TTC27: variants seen among roughly 807,000 people sequenced by gnomAD.
TTC27 encodes tetratricopeptide repeat protein 27.
In TTC27, 79 loss-of-function variants were observed where a neutral mutation model predicts 115.9. That is an observed-to-expected ratio of 0.68 (90% CI 0.57 to 0.82). The LOEUF is 0.82. Among genes scored for constraint, TTC27 ranks in the 40% least tolerant of loss-of-function variants. The pLI is 0.00. For synonymous variants in TTC27, 401 were observed against 356.0 expected, an observed-to-expected ratio of 1.13 and a Z score of -1.42; for missense variants, 1,054 against 993.1, an observed-to-expected ratio of 1.06 and a Z score of -0.82.
intron 4 of TTC27, among the ~76,000 whole-genome samples, chr2:32,640,633 G>A (rs569085547): frequency 2.0e-5 from 3 of 152,288 alleles, no homozygotes; most frequent in Admixed American, 6.5e-5. Flanking sequence ...TAGGATTTAT[G>A]TGTGTACTGT....
At position 32,682,844 on chromosome 2, in the gene TTC27, G is replaced by GTTTTTTTTTTTTTTTTTTTTTTTT. The variant is rs142030247; in HGVS notation, c.1119+3924_1119+3925insTTTTTTTTTTTTTTTTTTTTTTTT. ...CCACCACACCCGGATAATTTTTATT[G>GTTTTTTTTTTTTTTTTTTTTTTTT]TTGTTTTTTTTTTTTTTTTTTTTTT... On this transcript the variant is annotated intron_variant, in intron 9 of 19. Coordinates refer to ENST00000317907, the MANE Select transcript of TTC27 (RefSeq NM_017735.5). Among the ~76,000 whole-genome samples the GTTTTTTTTTTTTTTTTTTTTTTTT allele has an allele frequency of 2.1e-4, 12 of 56,980 alleles. 3 individuals carry two copies. The highest frequency in any genetic ancestry group is 9.3e-4 in the South Asian group (1 of 1,070). 37.4% of individuals were successfully genotyped at this position (56,980 alleles called of 152,430 possible).
intron 3 of TTC27, among the ~76,000 whole-genome samples, chr2:32,639,043 A>G (rs749990212): frequency 7.9e-5 from 12 of 151,960 alleles, no homozygotes; most frequent in Non-Finnish European, 1.2e-4. Flanking sequence ...CGTGTTAGCC[A>G]GGATGGTCTT....
At chr2:32,753,638 G>A (rs1225891885) in intron 12 of TTC27, among the ~76,000 whole-genome samples, 1 of 151,726 alleles carries the variant, frequency 6.6e-6, no homozygotes, top group Non-Finnish European at 1.5e-5. Flanking sequence ...GTAGACATGG[G>A]GTTTCACTAT....
rs1314989363 is a variant in TTC27 at position 32,628,329 on chromosome 2, C to G, written c.37C>G (p.Pro13Ala). The change falls in exon 1 of 20, where the codon CCC becomes GCC. Residue 13 changes from proline (P) to alanine (A), a missense_variant. Physicochemically the swap from Pro to Ala is conservative, Grantham distance 27. Coordinates refer to ENST00000317907, the MANE Select transcript of TTC27 (RefSeq NM_017735.5). ...TPELAILRGF[P>A]TEAERQQWKQ... ...GGAGCTGGCAATTCTGAGGGGATTC[C>G]CCACTGAGGCTGAGCGGCAGCAATG... 2.5e-6 allele frequency: 4 copies of G among 1,607,748 alleles called. No individual in the cohort carries two copies. Among genetic ancestry groups the G allele is most frequent in the South Asian group, 2.2e-5 (2 of 89,192 alleles).
chr2:32,813,436 A>C (rs371689070), intron 18 of TTC27, among the ~76,000 whole-genome samples: 3 of 152,232 alleles, frequency 2.0e-5, no homozygotes, highest in South Asian at 2.1e-4. Flanking sequence ...CAGCTCTATC[A>C]CATGCTTGCT....
At chr2:32,685,087 A>G (rs980352693) in intron 9 of TTC27, among the ~76,000 whole-genome samples, 3 of 144,696 alleles carry the variant, frequency 2.1e-5, no homozygotes, top group Non-Finnish European at 4.5e-5. Context: ...GTGGAGTGCA[A>G]TGGCGCAATC....
intron 13 of TTC27, among the ~76,000 whole-genome samples, chr2:32,762,219 G>A (rs897641272): frequency 1.3e-5 from 2 of 152,136 alleles, no homozygotes; most frequent in African/African-American, 2.4e-5. Flanking sequence ...AAGTGCAGTG[G>A]TGGGGGCATT....
In TTC27 at chr2:32,725,583, A is replaced by G. The variant is rs188515170; in HGVS notation, c.1234-8245A>G. Among the ~76,000 whole-genome samples the G allele has an allele frequency of 5.3e-3, 807 of 152,264 alleles. 10 individuals carry two copies. Among genetic ancestry groups the G allele is most frequent in the African/African-American group, 0.018 (764 of 41,542 alleles). On this transcript the variant is annotated intron_variant, in intron 10 of 19. Transcript: ENST00000317907. ...GACAGCTCCACCCCTGTGGCTTTGC[A>G]GCGTACAGCTTCCCTCCTGTCTGCT...
intron 12 of TTC27, among the ~76,000 whole-genome samples, chr2:32,747,487 C>T (rs529159072): frequency 2.0e-5 from 3 of 152,186 alleles, no homozygotes; most frequent in African/African-American, 4.8e-5. Context: ...GTATCTTATA[C>T]AGTTTAAAGT....
chr2:32,818,790 T>C (rs3769560), intron 19 of TTC27, among the ~76,000 whole-genome samples: 1 of 151,928 alleles, frequency 6.6e-6, no homozygotes, highest in Non-Finnish European at 1.5e-5. Context: ...TCTGAATACC[T>C]TTTTACTCTG....
chr2:32,760,452 G>A (rs1669396153), intron 13 of TTC27, among the ~76,000 whole-genome samples: 1 of 152,120 alleles, frequency 6.6e-6, no homozygotes, highest in Non-Finnish European at 1.5e-5. Context: ...GTGGGTGGAG[G>A]CCAGGGATGC....
At chr2:32,643,801 A>G (rs2754527) in intron 4 of TTC27, among the ~76,000 whole-genome samples, 149,764 of 152,060 alleles carry the variant, frequency 0.98, 73,792 homozygotes, top group Middle Eastern at 1. Flanking sequence ...TTGGGAGGCC[A>G]AGGCTGGCGG....
At chr2:32,645,412 A>C (rs1211031280) in intron 4 of TTC27, among the ~76,000 whole-genome samples, 1 of 152,210 alleles carries the variant, frequency 6.6e-6, no homozygotes, top group African/African-American at 2.4e-5. Flanking sequence ...GTTCTAAACT[A>C]TTGTGACTTC....
At chr2:32,766,616 A>G (rs944382676) in intron 13 of TTC27, 1 of 173,060 alleles carries the variant, frequency 5.8e-6, no homozygotes, top group Non-Finnish European at 1.3e-5. Flanking sequence ...AGTAGCATCA[A>G]AGATTACTGT....
intron 3 of TTC27, among the ~76,000 whole-genome samples, chr2:32,636,273 G>A (rs767271107): frequency 5.9e-5 from 9 of 152,136 alleles, no homozygotes; most frequent in African/African-American, 2.2e-4. Context: ...GAGTGCAGTG[G>A]TGCGATCTCG....
rs1168083585 is a variant in TTC27, at chr2:32,820,968, G to A, written c.*30G>A. 1 of 1,448,654 alleles carries A rather than the reference G, an allele frequency of 6.9e-7. No homozygotes were observed. The highest frequency in any genetic ancestry group is 9.2e-7 in the Non-Finnish European group (1 of 1,087,516). 89.7% of individuals were successfully genotyped at this position (1,448,654 alleles called of 1,614,324 possible). A position where few individuals can be genotyped will look rare whatever the true frequency, so the allele number is the denominator to read the frequency against. Reference sequence around the variant, plus strand: ...GCTGGAAGCAGATTCTGGAAAAGGTGCTTTCACCTGCTGGTAAAAGATACA... The same window carrying A: ...GCTGGAAGCAGATTCTGGAAAAGGTACTTTCACCTGCTGGTAAAAGATACA... On this transcript the variant is annotated 3_prime_UTR_variant, in exon 20 of 20. Coordinates refer to ENST00000317907, the MANE Select transcript of TTC27 (RefSeq NM_017735.5).
Position 32,736,714 on chromosome 2 carries a change from CTTT to C in TTC27, c.1351_1353del (p.Phe451del). 6.2e-7 allele frequency: 1 copy of C among 1,613,816 alleles called. No homozygotes were observed. Among genetic ancestry groups the C allele is most frequent in the South Asian group, 1.1e-5 (1 of 91,036 alleles). On this transcript the variant is annotated inframe_deletion, in exon 12 of 20. Transcript: ENST00000317907. Reference sequence around the variant, plus strand: ...TCTAGCGCCAACTTGCAAGTTTGCTCTTTGAGTTGGGATGTACCAGTTCAGCCC... The same window carrying C: ...TCTAGCGCCAACTTGCAAGTTTGCTCGAGTTGGGATGTACCAGTTCAGCCC...
intron 3 of TTC27, among the ~76,000 whole-genome samples, chr2:32,637,582 C>T (rs1664477378): frequency 1.3e-5 from 2 of 152,176 alleles, no homozygotes; most frequent in Non-Finnish European, 2.9e-5. Flanking sequence ...CTGCCTGCCT[C>T]AGCCTCCCAA....
chr2:32,686,432 C>T (rs529902825), intron 9 of TTC27, among the ~76,000 whole-genome samples: 76 of 152,194 alleles, frequency 5.0e-4, no homozygotes, highest in Non-Finnish European at 7.2e-4. Flanking sequence ...AAGGCACGAT[C>T]TTAGCTTACG....
Sources: allele counts gnomAD v4.1 joint callset (sites outside exome capture counted in the v4.1 genomes callset), GRCh38; gene constraint gnomAD v4.1.1; transcripts MANE v1.5; gene names NCBI Gene and HGNC (gene_info 2026-07-23, HGNC 2026-07-21).